The following KLHL4 variants were observed in gnomAD, a reference collection of about 807,000 sequenced individuals.
The protein encoded by KLHL4 is kelch like family member 4.
A neutral mutation model predicts 45.8 loss-of-function variants in KLHL4; 17 were observed. The observed-to-expected ratio is 0.37, with a 90% CI of 0.25 to 0.56. KLHL4 has a LOEUF of 0.56. Ranked by LOEUF, KLHL4 falls within the 20% of genes least tolerant of loss-of-function variation. The pLI is 0.79. For missense variants in KLHL4, 544 were observed against 544.9 expected, an observed-to-expected ratio of 1.00 and a Z score of 0.02; for synonymous variants, 224 against 189.9, an observed-to-expected ratio of 1.18 and a Z score of -1.47.
intron 9 of KLHL4, among the ~76,000 whole-genome samples, chrX:87,664,154 G>T (rs1924289105): frequency 9.0e-6 from 1 of 111,281 alleles, no homozygotes; most frequent in Non-Finnish European, 1.9e-5. Flanking sequence ...TACTAAAGAG[G>T]TTTGGGGATA....
chrX:87,646,956 T>C (rs2147833816), intron 9 of KLHL4, among the ~76,000 whole-genome samples: 1 of 110,939 alleles, frequency 9.0e-6, no homozygotes, highest in Admixed American at 9.6e-5. Context: ...AGTAAAAAGA[T>C]ATCCTACAGA....
intron 4 of KLHL4, among the ~76,000 whole-genome samples, chrX:87,619,122 T>C (rs1201928293): frequency 4.5e-5 from 5 of 111,220 alleles, no homozygotes; most frequent in African/African-American, 1.6e-4. Context: ...TGAAACCCAA[T>C]CAAAATATAA....
At chrX:87,597,605 G>T (rs987902602) in intron 1 of KLHL4, among the ~76,000 whole-genome samples, 2 of 111,547 alleles carry the variant, frequency 1.8e-5, no homozygotes, top group Admixed American at 9.6e-5. Flanking sequence ...ATATGGAAAG[G>T]CTATTAGATA....
At chrX:87,640,222 C>T (rs1324591874) in intron 9 of KLHL4, among the ~76,000 whole-genome samples, 1 of 111,139 alleles carries the variant, frequency 9.0e-6, no homozygotes, top group African/African-American at 3.3e-5. Flanking sequence ...CAAAAAAAGT[C>T]TAGGTCCAGA....
In KLHL4 at chrX:87,668,129, A is replaced by G. The variant is rs986522938; in HGVS notation, c.*1595A>G. The G allele has an allele frequency of 2.0e-5, 15 of 751,602 alleles. No individual in the cohort carries two copies. The highest frequency in any genetic ancestry group is 2.4e-5 in the Non-Finnish European group (15 of 636,631). 61.9% of individuals were successfully genotyped at this position (751,602 alleles called of 1,213,427 possible). ...TCTAGAGGTGAAGATAGAGACATAG[A>G]GAGGCTGTGAAACACACATACAGCC... On this transcript the variant is annotated 3_prime_UTR_variant, in exon 11 of 11. Coordinates refer to ENST00000373119, the MANE Select transcript of KLHL4 (RefSeq NM_019117.5).
chrX:87,668,740 C>T lies in KLHL4; in HGVS notation c.*2206C>T, dbSNP rs962963438. ...CCTAAGCTAGCATGCTCAGGGTGCA[C>T]CGTATGTCCCCTGGTCATGTGATGC... On this transcript the variant is annotated 3_prime_UTR_variant, in exon 11 of 11. Coordinates refer to ENST00000373119, the MANE Select transcript of KLHL4 (RefSeq NM_019117.5). The T allele has an allele frequency of 4.5e-5, 6 of 132,433 alleles. No homozygotes were observed. Among genetic ancestry groups the T allele is most frequent in the Non-Finnish European group, 8.2e-5 (6 of 72,971 alleles). The allele number at this position is 132,433 out of a possible 1,213,427, so 10.9% of individuals were successfully genotyped here.
chrX:87,569,277 T>C (rs1569343747), intron 1 of KLHL4, among the ~76,000 whole-genome samples: 1 of 111,437 alleles, frequency 9.0e-6, no homozygotes, highest in Non-Finnish European at 1.9e-5. Flanking sequence ...TAACAATTTA[T>C]ACCCACTAGC....
chrX:87,667,134 G>C lies in KLHL4; in HGVS notation c.*600G>C. On this transcript the variant is annotated 3_prime_UTR_variant, in exon 11 of 11. Transcript: ENST00000373119. ...GACAAAACTTGTTATGTTGATCGCG[G>C]TATGTCAAAATTTTTACAGGTTTGC... is the stretch of plus-strand genomic sequence containing the variant. The C allele has an allele frequency of 1.3e-6, 1 of 752,864 alleles. No individual in the cohort carries two copies. The highest frequency in any genetic ancestry group is 1.6e-6 in the Non-Finnish European group (1 of 638,357). The allele number at this position is 752,864 out of a possible 1,213,427, so 62.0% of individuals were successfully genotyped here.
intron 4 of KLHL4, among the ~76,000 whole-genome samples, chrX:87,621,586 C>G (rs939074321): frequency 2.7e-5 from 3 of 109,833 alleles, no homozygotes; most frequent in Non-Finnish European, 5.7e-5. Context: ...CATCCTCACT[C>G]TTTCCTAAAG....
chrX:87,588,514 T>G (rs1180482261), intron 1 of KLHL4, among the ~76,000 whole-genome samples: 1 of 111,403 alleles, frequency 9.0e-6, no homozygotes, highest in East Asian at 2.8e-4. Context: ...GAACTCATTT[T>G]AGACAAAGAT....
At chrX:87,631,648 A>G (rs1923098449) in intron 6 of KLHL4, among the ~76,000 whole-genome samples, 1 of 111,724 alleles carries the variant, frequency 9.0e-6, no homozygotes, top group South Asian at 3.8e-4. Flanking sequence ...AGTAGCTGGG[A>G]CTACAGGTGC....
intron 1 of KLHL4, among the ~76,000 whole-genome samples, chrX:87,532,362 T>A (rs1002070832): frequency 1.8e-5 from 2 of 111,141 alleles, no homozygotes; most frequent in Non-Finnish European, 1.9e-5. Flanking sequence ...TGAAGTCAGG[T>A]AGCATGATGA....
At chrX:87,658,396 A>G (rs748673395) in intron 9 of KLHL4, among the ~76,000 whole-genome samples, 35 of 111,395 alleles carry the variant, frequency 3.1e-4, no homozygotes, top group Non-Finnish European at 5.7e-4. Context: ...TAGTTAGGAT[A>G]TTTATTGGCC....
At chrX:87,635,844 T>A (rs1302803057) in intron 9 of KLHL4, 69 bp downstream of exon 9, 1 of 821,338 alleles carries the variant, frequency 1.2e-6, no homozygotes, top group Non-Finnish European at 1.7e-6. Flanking sequence ...TAGAAAGATT[T>A]TTTTTCTTTT....
chrX:87,549,605 A>G (rs1931767278), intron 1 of KLHL4, among the ~76,000 whole-genome samples: 1 of 111,750 alleles, frequency 8.9e-6, no homozygotes, highest in African/African-American at 3.2e-5. Context: ...ACTAGAATTT[A>G]ATAACAAGAG....
chrX:87,615,099 T>G (rs1333110568), intron 3 of KLHL4, among the ~76,000 whole-genome samples: 1 of 111,524 alleles, frequency 9.0e-6, no homozygotes, highest in Non-Finnish European at 1.9e-5. Context: ...TAAAATATTT[T>G]TATTTGATTA....
At chrX:87,568,378 CTTTTCTTT>C (rs1345839771) in intron 1 of KLHL4, among the ~76,000 whole-genome samples, 24 of 62,269 alleles carry the variant, frequency 3.9e-4, no homozygotes, top group East Asian at 1.5e-3. Flanking sequence ...TTTTCTTTTT[CTTTTCTTT>C]TTTTCTTTTT....
rs1305511066 is a variant in KLHL4 at position 87,667,186 on chromosome X, T to C, written c.*652T>C. The C allele has an allele frequency of 2.7e-6, 2 of 744,008 alleles. No homozygotes were observed. The highest frequency in any genetic ancestry group is 1.6e-6 in the Non-Finnish European group (1 of 631,681). 61.3% of individuals were successfully genotyped at this position (744,008 alleles called of 1,213,427 possible). A position where few individuals can be genotyped will look rare whatever the true frequency, so the allele number is the denominator to read the frequency against. ...CATCTGCCAGAGCACACATATAAATTTGGTATTTCTTAACATATTATCTTG... is the reference window on the plus strand; with the variant it reads ...CATCTGCCAGAGCACACATATAAATCTGGTATTTCTTAACATATTATCTTG... On this transcript the variant is annotated 3_prime_UTR_variant, in exon 11 of 11. Coordinates refer to ENST00000373119, the MANE Select transcript of KLHL4 (RefSeq NM_019117.5).
chrX:87,600,513 A>G (rs949581481), intron 1 of KLHL4, among the ~76,000 whole-genome samples: 18 of 108,063 alleles, frequency 1.7e-4, no homozygotes, highest in African/African-American at 5.4e-4. Context: ...AATAGTGCGT[A>G]GCACCTCCCC....
Sources: gnomAD v4.1 joint callset for allele counts (sites outside exome capture counted in the v4.1 genomes callset) on GRCh38, gnomAD v4.1.1 for gene constraint, MANE v1.5 for transcripts, NCBI Gene and HGNC (gene_info 2026-07-23, HGNC 2026-07-21) for gene names.